Variants in ERCC6 observed in about 807,000 individuals in gnomAD.
ERCC6 encodes the protein ERCC excision repair 6, chromatin remodeling factor, also known as DNA excision repair protein ERCC-6.
Under a neutral mutation model 158.7 loss-of-function variants are expected in ERCC6, and 116 were observed. The observed-to-expected ratio is 0.73, with a 90% CI of 0.63 to 0.85. The LOEUF is 0.85. Ranked by LOEUF, ERCC6 falls within the 40% of genes least tolerant of loss-of-function variation. ERCC6 has a pLI of 0.00. For synonymous variants in ERCC6, 678 were observed against 659.3 expected, an observed-to-expected ratio of 1.03 and a Z score of -0.43; for missense variants, 1,698 against 1,799.4, an observed-to-expected ratio of 0.94 and a Z score of 1.02.
intron 5 of ERCC6, among the ~76,000 whole-genome samples, chr10:49,510,773 G>A (rs557790717): frequency 3.1e-4 from 47 of 152,260 alleles, no homozygotes; most frequent in African/African-American, 1.1e-3. Context: ...AGACAGAGAA[G>A]CGTGACTTGA....
chr10:49,507,149 A>G (rs4253095), intron 5 of ERCC6, among the ~76,000 whole-genome samples: 15,669 of 152,144 alleles, frequency 0.1, 1,171 homozygotes, highest in East Asian at 0.38. Flanking sequence ...ACAGAGCCCA[A>G]TGCTAGTATG....
At chr10:49,527,870 A>T (rs917570446) in intron 4 of ERCC6, among the ~76,000 whole-genome samples, 39 of 152,238 alleles carry the variant, frequency 2.6e-4, no homozygotes, top group African/African-American at 8.9e-4. Context: ...ACATACACAC[A>T]CACAATGACT....
chr10:49,475,138 G>A (rs183326896), intron 12 of ERCC6, among the ~76,000 whole-genome samples: 101 of 152,264 alleles, frequency 6.6e-4, no homozygotes, highest in Admixed American at 1.6e-3. Flanking sequence ...CTAGTCACAC[G>A]TGGCTACTGA....
At chr10:49,531,250 T>G (rs1182869845) in intron 2 of ERCC6, among the ~76,000 whole-genome samples, 1 of 152,212 alleles carries the variant, frequency 6.6e-6, no homozygotes, top group African/African-American at 2.4e-5. Context: ...TAAATATGCT[T>G]AAACATTTTT....
At chr10:49,496,739 C>T (rs554477505) in intron 7 of ERCC6, among the ~76,000 whole-genome samples, 485 of 152,194 alleles carry the variant, frequency 3.2e-3, no homozygotes, top group Non-Finnish European at 5.2e-3. Context: ...ACCCGGGAGG[C>T]GGAGGTTGCA....
chr10:49,506,622 C>T (rs2132583194), intron 5 of ERCC6: 1 of 152,336 alleles, frequency 6.6e-6, no homozygotes, highest in East Asian at 1.9e-4. Context: ...ATCTAAGTTA[C>T]AAATTTAGTA....
At chr10:49,478,654 G>A (rs1247887800) in intron 10 of ERCC6, among the ~76,000 whole-genome samples, 184 bp from the exon 11 acceptor site, 1 of 151,994 alleles carries the variant, frequency 6.6e-6, no homozygotes, top group East Asian at 1.9e-4. Flanking sequence ...ACTCCAAGGG[G>A]TGGTAGCTTT....
At chr10:49,475,790 T>C (rs565727863) in intron 12 of ERCC6, among the ~76,000 whole-genome samples, 24 of 152,322 alleles carry the variant, frequency 1.6e-4, no homozygotes, top group African/African-American at 5.1e-4. Context: ...TAAACATTTA[T>C]TGGGGAATGG....
intron 20 of ERCC6, 131 bp downstream of exon 20, chr10:49,460,242 G>A (rs575533299): frequency 6.8e-5 from 49 of 724,234 alleles, no homozygotes; most frequent in Admixed American, 2.5e-4. Flanking sequence ...AAATCAGAGC[G>A]TGCAACACAA....
Position 49,458,926 on chromosome 10 carries a change from C to T in ERCC6, c.4371G>A (p.Lys1457=). 6.2e-7 allele frequency: 1 copy of T among 1,614,180 alleles called. No individual in the cohort carries two copies. Among genetic ancestry groups the T allele is most frequent in the Non-Finnish European group, 8.5e-7 (1 of 1,180,028 alleles). Reference sequence around the variant, plus strand: ...AGACACAAGACTGTGATGCAGATAACTTGGATTCAAACTCCTGCAGTATCT... The same window carrying T: ...AGACACAAGACTGTGATGCAGATAATTTGGATTCAAACTCCTGCAGTATCT... ...TREILQEFES[K]LSASQSCVFR... is the part of the protein sequence containing the mutation. Residue 1457 remains lysine, a synonymous_variant, in exon 21 of 21, where the codon AAG becomes AAA. Transcript: ENST00000355832.
chr10:49,530,027 TG>T (rs1215959114), intron 3 of ERCC6, among the ~76,000 whole-genome samples: 2 of 151,820 alleles, frequency 1.3e-5, no homozygotes, highest in Non-Finnish European at 2.9e-5. Flanking sequence ...CTCTCGCAAC[TG>T]TCAGCAAAGG....
Position 49,459,037 on chromosome 10 carries a change from G to A in ERCC6, c.4260C>T (p.Pro1420=). ...CCAGAAGGTCATCGTGTTCTGTGGT[G>A]GGCAGCAGGGCAGAAGCTTCCTGCA... ...GHLQEASALL[P]TTEHDDLLVE... Residue 1420 remains proline, a synonymous_variant, in exon 21 of 21, where the codon CCC becomes CCT. Coordinates refer to ENST00000355832, the MANE Select transcript of ERCC6 (RefSeq NM_000124.4). The A allele has an allele frequency of 6.2e-7, 1 of 1,614,134 alleles. No individual in the cohort carries two copies. Among genetic ancestry groups the A allele is most frequent in the Non-Finnish European group, 8.5e-7 (1 of 1,180,028 alleles).
chr10:49,525,684 A>T (rs959511447), intron 4 of ERCC6, among the ~76,000 whole-genome samples: 1 of 152,198 alleles, frequency 6.6e-6, no homozygotes, highest in Admixed American at 6.5e-5. Flanking sequence ...TAAAACATAC[A>T]TCTGAAAGTG....
intron 5 of ERCC6, among the ~76,000 whole-genome samples, chr10:49,514,116 A>T (rs1270630020): frequency 1.3e-5 from 2 of 152,174 alleles, no homozygotes; most frequent in East Asian, 1.9e-4. Context: ...CTAAAACTTC[A>T]ATCCAAATGT....
intron 6 of ERCC6, chr10:49,505,319 A>C (rs1700702116): frequency 6.5e-6 from 1 of 152,850 alleles, no homozygotes; most frequent in African/African-American, 2.4e-5. Flanking sequence ...CCTGGCTTCA[A>C]ATAGCAACTT....
At chr10:49,499,892 C>T (rs1851327749) in intron 7 of ERCC6, among the ~76,000 whole-genome samples, 2 of 151,156 alleles carry the variant, frequency 1.3e-5, no homozygotes, top group South Asian at 2.1e-4. Context: ...TTTAGGTAGT[C>T]ACTTACGTTT....
chr10:49,470,454 C>CA lies in ERCC6; in HGVS notation c.3505dup (p.Trp1169LeufsTer4). 6.2e-7 allele frequency: 1 copy of CA among 1,614,064 alleles called. No individual in the cohort carries two copies. The highest frequency in any genetic ancestry group is 8.5e-7 in the Non-Finnish European group (1 of 1,180,012). ...ATTATTTTCCATTTGTTTATTCTCCCAAAAAGCTTCTGTTTGAGCCTGGCT... is the reference window on the plus strand; with the variant it reads ...ATTATTTTCCATTTGTTTATTCTCCCAAAAAAGCTTCTGTTTGAGCCTGGCT... On this transcript the variant is annotated frameshift_variant, in exon 18 of 21. Coordinates refer to ENST00000355832, the MANE Select transcript of ERCC6 (RefSeq NM_000124.4). LOFTEE classifies it high-confidence loss of function.
At chr10:49,502,622 G>A (rs1851374385) in intron 6 of ERCC6, 1 of 152,206 alleles carries the variant, frequency 6.6e-6, no homozygotes, top group Admixed American at 6.6e-5. Context: ...GCAAGCCAGA[G>A]CTGAAATCCA....
chr10:49,516,894 T>G, intron 5 of ERCC6: 1 of 1,614,090 alleles, frequency 6.2e-7, no homozygotes, highest in Non-Finnish European at 8.5e-7. Flanking sequence ...ATCATCTGAG[T>G]CAGACTCAGC....
Sources: gnomAD v4.1 joint callset for allele counts (sites outside exome capture counted in the v4.1 genomes callset) on GRCh38, gnomAD v4.1.1 for gene constraint, MANE v1.5 for transcripts, NCBI Gene and HGNC (gene_info 2026-07-23, HGNC 2026-07-21) for gene names.